GALNT17: variants seen among roughly 807,000 people sequenced by gnomAD.
The protein encoded by GALNT17 is polypeptide N-acetylgalactosaminyltransferase 17, also known as UDP-GalNAc:polypeptide N-acetylgalactosaminyltransferase-like 3.
Under a neutral mutation model 63.7 loss-of-function variants are expected in GALNT17, and 29 were observed. That is an observed-to-expected ratio of 0.46 (90% CI 0.34 to 0.62). GALNT17 has a LOEUF of 0.62. Among genes scored for constraint, GALNT17 ranks in the 20% least tolerant of loss-of-function variants. The pLI is 0.01. For synonymous variants in GALNT17, 305 were observed against 318.3 expected (o/e 0.96, Z 0.45); for missense variants, 603 against 799.6 (o/e 0.75, Z 2.97).
chr7:71,312,933 G>A (rs1005284414), intron 1 of GALNT17, among the ~76,000 whole-genome samples: 3 of 152,056 alleles, frequency 2.0e-5, no homozygotes, highest in African/African-American at 4.8e-5. Flanking sequence ...AGCATAGCAA[G>A]ACCCCATCAC....
intron 5 of GALNT17, among the ~76,000 whole-genome samples, chr7:71,513,469 T>G (rs1183422239): frequency 2.6e-5 from 4 of 151,972 alleles, no homozygotes; most frequent in Non-Finnish European, 5.9e-5. Flanking sequence ...CACTGCAACC[T>G]CCGCCTCCCC....
intron 3 of GALNT17, among the ~76,000 whole-genome samples, chr7:71,388,684 G>A (rs867891647): frequency 5.3e-5 from 8 of 151,754 alleles, no homozygotes; most frequent in South Asian, 2.1e-4. Context: ...CCGGCACCAC[G>A]CCTGGCTAAT....
In GALNT17 at chr7:71,152,189, A is replaced by G. The variant is rs559686361; in HGVS notation, c.238+19149A>G. 7.2e-5 allele frequency among the ~76,000 whole-genome samples: 11 copies of G among 152,296 alleles called. No individual in the cohort carries two copies. In the South Asian group the frequency reaches 8.3e-4, roughly 11 times the overall value. On this transcript the variant is annotated intron_variant, in intron 1 of 10. Coordinates refer to ENST00000333538, the MANE Select transcript of GALNT17 (RefSeq NM_022479.3). Reference sequence around the variant, plus strand: ...GATAAAATGACTAATAAAATACACAAATCTCACGAAATATCTTTTCAAGAG... The same window carrying G: ...GATAAAATGACTAATAAAATACACAGATCTCACGAAATATCTTTTCAAGAG...
At chr7:71,164,112 C>G (rs1788394188) in intron 1 of GALNT17, among the ~76,000 whole-genome samples, 2 of 152,156 alleles carry the variant, frequency 1.3e-5, no homozygotes, top group Non-Finnish European at 2.9e-5. Context: ...GTCTGGCTAT[C>G]TTGTCCTAGG....
At chr7:71,493,884 A>G (rs1788051320) in intron 5 of GALNT17, among the ~76,000 whole-genome samples, 1 of 152,088 alleles carries the variant, frequency 6.6e-6, no homozygotes, top group Admixed American at 6.6e-5. Flanking sequence ...TCTCTCTCTA[A>G]TAAACATACT....
chr7:71,510,427 AT>A (rs1788338070), intron 5 of GALNT17, among the ~76,000 whole-genome samples: 1 of 151,930 alleles, frequency 6.6e-6, no homozygotes, highest in Non-Finnish European at 1.5e-5. Context: ...CTGTCTGTAG[AT>A]TTGCTGAGGT....
At chr7:71,656,409 C>T (rs7790588) in intron 6 of GALNT17, among the ~76,000 whole-genome samples, 138,635 of 151,792 alleles carry the variant, frequency 0.91, 64,654 homozygotes, top group South Asian at 1. Context: ...CAGGGGAGGA[C>T]AAAAGGAAAC....
At chr7:71,189,041 G>A (rs552959078) in intron 1 of GALNT17, among the ~76,000 whole-genome samples, 129 of 152,268 alleles carry the variant, frequency 8.5e-4, no homozygotes, top group African/African-American at 3.0e-3. Context: ...TGCTTTTTAT[G>A]GTTAGGCTGT....
intron 5 of GALNT17, among the ~76,000 whole-genome samples, chr7:71,459,702 A>G (rs148260752): frequency 7.6e-4 from 115 of 152,262 alleles, no homozygotes; most frequent in African/African-American, 2.5e-3. Flanking sequence ...TGGGGGGGAA[A>G]ATTGCATCTG....
At chr7:71,152,535 T>G (rs1329422351) in intron 1 of GALNT17, among the ~76,000 whole-genome samples, 1 of 152,152 alleles carries the variant, frequency 6.6e-6, no homozygotes, top group African/African-American at 2.4e-5. Flanking sequence ...CTCCAGCCCT[T>G]TCTTCAGGGC....
chr7:71,397,824 C>G lies in GALNT17; in HGVS notation c.589+9423C>G, dbSNP rs182091646. On this transcript the variant is annotated intron_variant, in intron 3 of 10. Coordinates refer to ENST00000333538, the MANE Select transcript of GALNT17 (RefSeq NM_022479.3). ...AGACTGCAAGGAAGAGAAAATCTTTCAAGTTCACTCATGCCTCTAAAGATG... is the reference window on the plus strand; with the variant it reads ...AGACTGCAAGGAAGAGAAAATCTTTGAAGTTCACTCATGCCTCTAAAGATG... Among the ~76,000 whole-genome samples the G allele has an allele frequency of 3.0e-4, 46 of 152,310 alleles. 4 individuals are homozygous for G. Among genetic ancestry groups the G allele is most frequent in the East Asian group, 2.9e-3 (15 of 5,184 alleles).
chr7:71,590,503 A>G (rs1437435848), intron 6 of GALNT17, among the ~76,000 whole-genome samples: 1 of 152,214 alleles, frequency 6.6e-6, no homozygotes, highest in African/African-American at 2.4e-5. Context: ...CTGAATTTAC[A>G]CCATCCTCTC....
rs375745075 is a variant in GALNT17, at chr7:71,354,672, T to TTC, written c.422+18951_422+18952dup. Among the ~76,000 whole-genome samples the TTC allele has an allele frequency of 3.8e-3, 572 of 151,736 alleles. 3 individuals carry two copies. Among genetic ancestry groups the TTC allele is most frequent in the African/African-American group, 0.013 (535 of 41,490 alleles). ...CTTGTGCATCAATATTTGTAATTCA[T>TTC]TCTCTCTCTCTCTGCTTTCCTTAAG... On this transcript the variant is annotated intron_variant, in intron 2 of 10. Coordinates refer to ENST00000333538, the MANE Select transcript of GALNT17 (RefSeq NM_022479.3).
At chr7:71,674,191 A>G (rs1234123849) in intron 8 of GALNT17, among the ~76,000 whole-genome samples, 1 of 152,238 alleles carries the variant, frequency 6.6e-6, no homozygotes, top group East Asian at 1.9e-4. Flanking sequence ...ATTCCCAGAT[A>G]TAATCAATGT....
intron 2 of GALNT17, among the ~76,000 whole-genome samples, chr7:71,360,882 G>C (rs1367103261): frequency 6.6e-6 from 1 of 152,192 alleles, no homozygotes. Context: ...AGGTTGCAGT[G>C]AGCCAAGGTC....
At chr7:71,246,701 C>T (rs904809658) in intron 1 of GALNT17, among the ~76,000 whole-genome samples, 12 of 151,686 alleles carry the variant, frequency 7.9e-5, no homozygotes, top group Non-Finnish European at 1.0e-4. Context: ...ATGTGGCGGG[C>T]GCCTGTAGTC....
chr7:71,229,939 T>G (rs1789756990), intron 1 of GALNT17, among the ~76,000 whole-genome samples: 1 of 152,182 alleles, frequency 6.6e-6, no homozygotes, highest in Admixed American at 6.5e-5. Flanking sequence ...CTGGGCCTGT[T>G]TGCTTGGCTT....
intron 5 of GALNT17, among the ~76,000 whole-genome samples, chr7:71,475,930 G>C (rs941794057): frequency 6.6e-6 from 1 of 152,080 alleles, no homozygotes; most frequent in South Asian, 2.1e-4. Flanking sequence ...TATATATAAA[G>C]TAATTCATAG....
intron 1 of GALNT17, among the ~76,000 whole-genome samples, chr7:71,167,956 C>A (rs957051186): frequency 6.6e-6 from 1 of 152,228 alleles, no homozygotes; most frequent in Non-Finnish European, 1.5e-5. Context: ...AGGCGTGAGT[C>A]ACCTCACCCG....
Sources: gnomAD v4.1 joint callset for allele counts (sites outside exome capture counted in the v4.1 genomes callset) on GRCh38, gnomAD v4.1.1 for gene constraint, MANE v1.5 for transcripts, NCBI Gene and HGNC (gene_info 2026-07-23, HGNC 2026-07-21) for gene names.